The following HS3ST3A1 variants were observed in gnomAD, a reference collection of about 807,000 sequenced individuals.
The protein encoded by HS3ST3A1 is heparan sulfate glucosamine 3-O-sulfotransferase 3A1.
HS3ST3A1 carries 19 observed loss-of-function variants against 25.7 expected under a neutral mutation model. That is an observed-to-expected ratio of 0.74 (90% confidence interval 0.52 to 1.08). The LOEUF is 1.08. Ranked by LOEUF, HS3ST3A1 falls within the 50% of genes least tolerant of loss-of-function variation. HS3ST3A1 has a pLI of 0.00. For missense variants in HS3ST3A1, 459 were observed against 594.3 expected, an observed-to-expected ratio of 0.77 and a Z score of 2.37; for synonymous variants, 226 against 278.6, an observed-to-expected ratio of 0.81 and a Z score of 1.88.
At chr17:13,543,095 A>G (rs1251135960) in intron 1 of HS3ST3A1, among the ~76,000 whole-genome samples, 1 of 152,108 alleles carries the variant, frequency 6.6e-6, no homozygotes, top group Non-Finnish European at 1.5e-5. Context: ...TATCCTTTGT[A>G]ATATCCTTTG....
chr17:13,516,958 T>C (rs748629609), intron 1 of HS3ST3A1, among the ~76,000 whole-genome samples: 37 of 152,180 alleles, frequency 2.4e-4, no homozygotes, highest in Non-Finnish European at 5.1e-4. Context: ...AGTGCTGGGA[T>C]TACAGGCGTG....
At chr17:13,543,331 T>C (rs1269684114) in intron 1 of HS3ST3A1, among the ~76,000 whole-genome samples, 3 of 152,116 alleles carry the variant, frequency 2.0e-5, no homozygotes, top group Admixed American at 6.5e-5. Flanking sequence ...CGGAACTGAA[T>C]TGAATAAGAC....
At chr17:13,502,487 G>A (rs1905512101) in intron 1 of HS3ST3A1, among the ~76,000 whole-genome samples, 1 of 152,056 alleles carries the variant, frequency 6.6e-6, no homozygotes, top group South Asian at 2.1e-4. Flanking sequence ...ATGCAAGAAA[G>A]AATAAAAAGA....
At chr17:13,590,326 T>TAAAAA (rs59735905) in intron 1 of HS3ST3A1, among the ~76,000 whole-genome samples, 1 of 147,586 alleles carries the variant, frequency 6.8e-6, no homozygotes, top group East Asian at 2.0e-4. Flanking sequence ...TCTGTGAGGT[T>TAAAAA]AAAAAAAAAA....
chr17:13,530,530 C>T (rs985780227), intron 1 of HS3ST3A1, among the ~76,000 whole-genome samples: 25 of 152,070 alleles, frequency 1.6e-4, no homozygotes, highest in African/African-American at 5.8e-4. Context: ...CAAAGGCGGT[C>T]CTGTTACAAA....
At chr17:13,514,058 T>C (rs1371246275) in intron 1 of HS3ST3A1, among the ~76,000 whole-genome samples, 2 of 152,116 alleles carry the variant, frequency 1.3e-5, no homozygotes, top group Non-Finnish European at 2.9e-5. Flanking sequence ...ATTAGACCAT[T>C]TCCCAGATGT....
intron 1 of HS3ST3A1, among the ~76,000 whole-genome samples, chr17:13,585,186 CTTTTTTTTTTTT>C (rs71144977): frequency 1.5e-3 from 51 of 33,246 alleles, no homozygotes; most frequent in Admixed American, 3.2e-3. Flanking sequence ...TTTTTCTGTG[CTTTTTTTTTTTT>C]TTTTTTTTTT....
rs190222490 is a variant in HS3ST3A1 at position 13,536,667 on chromosome 17, G to A, written c.600-39849C>T. Among the ~76,000 whole-genome samples, 349 of 152,272 alleles carry A rather than the reference G, an allele frequency of 2.3e-3. 2 individuals are homozygous for A. Among genetic ancestry groups the A allele is most frequent in the African/African-American group, 7.7e-3 (322 of 41,554 alleles). On this transcript the variant is annotated intron_variant, in intron 1 of 1. Coordinates refer to ENST00000284110, the MANE Select transcript of HS3ST3A1 (RefSeq NM_006042.3). Reference sequence around the variant, plus strand: ...TTCCAGTTGGCTTCTCTTAACACATGGAAACTGACAGTCCCAAATGAGAAG... The same window carrying A: ...TTCCAGTTGGCTTCTCTTAACACATAGAAACTGACAGTCCCAAATGAGAAG...
chr17:13,539,885 T>A (rs962650591), intron 1 of HS3ST3A1, among the ~76,000 whole-genome samples: 8 of 152,202 alleles, frequency 5.3e-5, no homozygotes, highest in African/African-American at 1.9e-4. Flanking sequence ...TTTTAGAAGC[T>A]CACCACCAAC....
chr17:13,543,088 C>G (rs1906981455), intron 1 of HS3ST3A1, among the ~76,000 whole-genome samples: 1 of 152,178 alleles, frequency 6.6e-6, no homozygotes, highest in South Asian at 2.1e-4. Context: ...TCCTCTGTAT[C>G]CTTTGTAATA....
intron 1 of HS3ST3A1, among the ~76,000 whole-genome samples, chr17:13,559,168 A>G (rs909792594): frequency 1.3e-5 from 2 of 152,260 alleles, no homozygotes; most frequent in Admixed American, 6.5e-5. Flanking sequence ...AGCCTGGCAC[A>G]TATGAGTATT....
At chr17:13,581,756 T>G (rs1393314827) in intron 1 of HS3ST3A1, among the ~76,000 whole-genome samples, 1 of 152,190 alleles carries the variant, frequency 6.6e-6, no homozygotes, top group Non-Finnish European at 1.5e-5. Flanking sequence ...TTTAATAAAC[T>G]TTGGTCTATC....
At chr17:13,509,528 G>A (rs1262639989) in intron 1 of HS3ST3A1, among the ~76,000 whole-genome samples, 1 of 152,130 alleles carries the variant, frequency 6.6e-6, no homozygotes, top group Non-Finnish European at 1.5e-5. Context: ...AAGTTAGTTA[G>A]GATCTAAAGC....
intron 1 of HS3ST3A1, among the ~76,000 whole-genome samples, chr17:13,531,792 T>G (rs1165543615): frequency 6.6e-6 from 1 of 152,200 alleles, no homozygotes; most frequent in Non-Finnish European, 1.5e-5. Flanking sequence ...CTTATTAATA[T>G]GCAAATTTCT....
chr17:13,570,530 A>G (rs1262007039), intron 1 of HS3ST3A1, among the ~76,000 whole-genome samples: 1 of 152,152 alleles, frequency 6.6e-6, no homozygotes, highest in African/African-American at 2.4e-5. Context: ...TCTAGGCTGG[A>G]ATGCAGTGAC....
intron 1 of HS3ST3A1, among the ~76,000 whole-genome samples, chr17:13,553,804 A>C (rs993646729): frequency 6.6e-6 from 1 of 152,078 alleles, no homozygotes; most frequent in Non-Finnish European, 1.5e-5. Context: ...CCCTTCTCTC[A>C]CACATTCTCC....
At chr17:13,581,992 C>T (rs1022204361) in intron 1 of HS3ST3A1, among the ~76,000 whole-genome samples, 4 of 152,096 alleles carry the variant, frequency 2.6e-5, no homozygotes, top group South Asian at 2.1e-4. Flanking sequence ...CACCTGAGAA[C>T]GGTGTGAAAT....
rs1219403061 is a variant in HS3ST3A1, at chr17:13,496,714, T to C, written c.704A>G (p.Asp235Gly). 6.2e-7 allele frequency: 1 copy of C among 1,614,064 alleles called. No homozygotes were observed. Among genetic ancestry groups the C allele is most frequent in the South Asian group, 1.1e-5 (1 of 91,080 alleles). ...CCGCACCACCACGATGAGCTTGGTGTCCTTGGACATGGCCGAGATGCGCGC... is the reference window on the plus strand; with the variant it reads ...CCGCACCACCACGATGAGCTTGGTGCCCTTGGACATGGCCGAGATGCGCGC... ...APARISAMSK[D>G]TKLIVVVRDP... Residue 235 changes from aspartate to glycine, a missense_variant, in exon 2 of 2, where the codon GAC (aspartate) becomes GGC (glycine). By Grantham distance (94) the Asp-to-Gly change is moderately conservative. This residue lies in a region of HS3ST3A1 where 67 missense variants were observed against 231.4 expected (regional missense o/e 0.29). Coordinates refer to ENST00000284110, the MANE Select transcript of HS3ST3A1 (RefSeq NM_006042.3).
Position 13,600,801 on chromosome 17 carries a change from T to C in HS3ST3A1, c.329A>G (p.Glu110Gly), listed in dbSNP as rs766759088. ...AGGGGACTCTTCTTCCCAGGCCGCC[T>C]CCTCGCCGTCGTCGCGGGGCGCGGG... Reference protein sequence around the residue: ...RPPAPRDDGEEAAWEEESPGL... With the variant: ...RPPAPRDDGEGAAWEEESPGL... The change falls in exon 1 of 2, where the codon GAG (glutamate) becomes GGG (glycine). Residue 110 changes from glutamate (E) to glycine (G), a missense_variant. This residue lies in a region of HS3ST3A1 where 346 missense variants were observed against 303.9 expected (regional missense o/e 1.14). Transcript: ENST00000284110. The C allele has an allele frequency of 2.7e-5, 38 of 1,420,858 alleles. No homozygotes were observed. The highest frequency in any genetic ancestry group is 3.5e-5 in the Non-Finnish European group (38 of 1,100,976). 88.0% of individuals were successfully genotyped at this position (1,420,858 alleles called of 1,614,324 possible).
Sources: gnomAD v4.1 joint callset for allele counts (sites outside exome capture counted in the v4.1 genomes callset) on GRCh38, gnomAD v4.1.1 for gene constraint, gnomAD v4.1.1 regional missense constraint, MANE v1.5 for transcripts, NCBI Gene and HGNC (gene_info 2026-07-23, HGNC 2026-07-21) for gene names.